ROBO1: variants seen among roughly 807,000 people sequenced by gnomAD.
The protein encoded by ROBO1 is roundabout guidance receptor 1.
ROBO1 carries 149 observed loss-of-function variants against 195.9 expected under a neutral mutation model. The ratio of observed to expected loss-of-function variants is 0.76; its 90% confidence interval spans 0.67 to 0.87. The LOEUF is 0.87. Among genes scored for constraint, ROBO1 ranks in the 40% least tolerant of loss-of-function variants. The probability of loss-of-function intolerance (pLI) is 0.00; values close to 1 mark genes in which losing one functional copy is unlikely to be tolerated. For synonymous variants in ROBO1, 816 were observed against 733.2 expected, an observed-to-expected ratio of 1.11 and a Z score of -1.82; for missense variants, 1,933 against 2,068.3, an observed-to-expected ratio of 0.93 and a Z score of 1.27.
rs77539183 is a variant in ROBO1, at chr3:79,400,479, T to C, written c.88+189345A>G. On this transcript the variant is annotated intron_variant, in intron 2 of 30. Transcript: ENST00000464233. ...ATTTCCCCCCATCACGCAAATCATG[T>C]GCACTTCTACTTTGAAGGCTTCAGT... is the stretch of plus-strand genomic sequence containing the variant. Among the ~76,000 whole-genome samples the C allele has an allele frequency of 2.5e-3, 384 of 152,246 alleles. 2 individuals carry two copies. Among genetic ancestry groups the C allele is most frequent in the African/African-American group, 8.1e-3 (335 of 41,570 alleles).
At chr3:79,201,560 G>C (rs1024295858) in intron 2 of ROBO1, among the ~76,000 whole-genome samples, 5 of 151,932 alleles carry the variant, frequency 3.3e-5, no homozygotes, top group Non-Finnish European at 7.4e-5. Context: ...CAGCGAGAAA[G>C]CTGCTTAAGC....
At chr3:79,691,979 A>G (rs1301722190) in intron 1 of ROBO1, among the ~76,000 whole-genome samples, 1 of 151,896 alleles carries the variant, frequency 6.6e-6, no homozygotes, top group Non-Finnish European at 1.5e-5. Flanking sequence ...TGTATCTTCC[A>G]GTGTGAGAAA....
At chr3:78,830,003 C>A (rs1313490905) in intron 4 of ROBO1, among the ~76,000 whole-genome samples, 2 of 151,994 alleles carry the variant, frequency 1.3e-5, no homozygotes, top group East Asian at 3.9e-4. Flanking sequence ...ATTTATATAG[C>A]CGTAATAGGT....
At chr3:78,922,126 G>T (rs751409946) in intron 4 of ROBO1, among the ~76,000 whole-genome samples, 1 of 152,092 alleles carries the variant, frequency 6.6e-6, no homozygotes, top group African/African-American at 2.4e-5. Context: ...ACATGGTATT[G>T]AAGGCATGTA....
At chr3:79,653,959 G>A (rs1946086838) in intron 1 of ROBO1, among the ~76,000 whole-genome samples, 1 of 151,828 alleles carries the variant, frequency 6.6e-6, no homozygotes, top group African/African-American at 2.4e-5. Context: ...GTTTTGTTTT[G>A]TAAAAAATAC....
At chr3:79,406,269 A>C (rs955679416) in intron 2 of ROBO1, among the ~76,000 whole-genome samples, 4 of 150,050 alleles carry the variant, frequency 2.7e-5, no homozygotes, top group African/African-American at 9.8e-5. Flanking sequence ...AAAATCTCTA[A>C]AAAAAAAAGT....
At chr3:78,924,805 A>G (rs1183454350) in intron 4 of ROBO1, among the ~76,000 whole-genome samples, 1 of 152,138 alleles carries the variant, frequency 6.6e-6, no homozygotes, top group African/African-American at 2.4e-5. Context: ...TTTGTGTCTC[A>G]CTTTAAACAA....
At chr3:78,654,892 G>C (rs1433278444) in intron 18 of ROBO1, among the ~76,000 whole-genome samples, 1 of 152,118 alleles carries the variant, frequency 6.6e-6, no homozygotes, top group Non-Finnish European at 1.5e-5. Flanking sequence ...AGTCATCACA[G>C]TGTTAACTTA....
chr3:79,102,751 T>TC (rs1484271547), intron 3 of ROBO1, among the ~76,000 whole-genome samples: 14 of 151,820 alleles, frequency 9.2e-5, no homozygotes, highest in African/African-American at 3.4e-4. Context: ...AGCAGATGTG[T>TC]ATGTCCAAAG....
intron 4 of ROBO1, among the ~76,000 whole-genome samples, chr3:78,836,239 G>A (rs1434507653): frequency 1.3e-5 from 2 of 152,008 alleles, no homozygotes; most frequent in African/African-American, 4.8e-5. Flanking sequence ...CAGGCCGGGG[G>A]CAGTGGCTCA....
At chr3:78,868,976 A>T (rs1171748979) in intron 4 of ROBO1, among the ~76,000 whole-genome samples, 2 of 152,222 alleles carry the variant, frequency 1.3e-5, no homozygotes, top group Non-Finnish European at 2.9e-5. Context: ...GATGTTAAAC[A>T]TATTGATCAA....
intron 3 of ROBO1, among the ~76,000 whole-genome samples, chr3:78,982,720 C>A (rs546963744): frequency 5.8e-4 from 88 of 152,134 alleles, no homozygotes; most frequent in African/African-American, 2.1e-3. Context: ...CATCCACCCC[C>A]CAGGTTCAGG....
chr3:79,673,359 A>C lies in ROBO1; in HGVS notation c.-50-83398T>G, dbSNP rs115264547. 3.5e-3 allele frequency among the ~76,000 whole-genome samples: 530 copies of C among 151,848 alleles called. 2 individuals carry two copies. Among genetic ancestry groups the C allele is most frequent in the Non-Finnish European group, 5.0e-3 (336 of 67,852 alleles). On this transcript the variant is annotated intron_variant, in intron 1 of 30. Coordinates refer to ENST00000464233, the MANE Select transcript of ROBO1 (RefSeq NM_002941.4). ...GTGTGAGGGTGTGTATAATTTTTAGATCGTAACCAGTAAACAAAGAAATAT... is the reference window on the plus strand; with the variant it reads ...GTGTGAGGGTGTGTATAATTTTTAGCTCGTAACCAGTAAACAAAGAAATAT...
At chr3:79,019,606 T>G in intron 3 of ROBO1, 1 of 970,776 alleles carries the variant, frequency 1.0e-6, no homozygotes, top group Non-Finnish European at 1.2e-6. Context: ...CTCCTCAATA[T>G]TTCCATCCAC....
chr3:79,714,076 G>C (rs1702380991), intron 1 of ROBO1, among the ~76,000 whole-genome samples: 1 of 152,040 alleles, frequency 6.6e-6, no homozygotes, highest in Non-Finnish European at 1.5e-5. Context: ...GGCAATGCAG[G>C]CTCTTTTTTG....
At chr3:78,703,456 G>T (rs544118748) in intron 8 of ROBO1, among the ~76,000 whole-genome samples, 1 of 152,108 alleles carries the variant, frequency 6.6e-6, no homozygotes, top group East Asian at 1.9e-4. Context: ...TGGCAGTACT[G>T]ATTCTTCAAA....
At chr3:78,739,622 T>C (rs1336286345) in intron 5 of ROBO1, among the ~76,000 whole-genome samples, 1 of 152,194 alleles carries the variant, frequency 6.6e-6, no homozygotes, top group Admixed American at 6.5e-5. Context: ...TAAATAATTT[T>C]AGGTTGTCTG....
At chr3:78,959,912 G>C (rs562526946) in intron 3 of ROBO1, among the ~76,000 whole-genome samples, 30 of 152,218 alleles carry the variant, frequency 2.0e-4, no homozygotes, top group African/African-American at 7.0e-4. Flanking sequence ...TACAACCAAG[G>C]ATTATTAGTC....
chr3:78,915,373 A>G (rs2038497774), intron 4 of ROBO1, among the ~76,000 whole-genome samples: 1 of 152,182 alleles, frequency 6.6e-6, no homozygotes, highest in Admixed American at 6.5e-5. Flanking sequence ...ACAAAAGTTT[A>G]AAGATATTTA....
Sources: allele counts gnomAD v4.1 joint callset (sites outside exome capture counted in the v4.1 genomes callset), GRCh38; gene constraint gnomAD v4.1.1; transcripts MANE v1.5; gene names NCBI Gene and HGNC (gene_info 2026-07-23, HGNC 2026-07-21).